NHERF2: variants seen among roughly 807,000 people sequenced by gnomAD.
NHERF2 encodes NHERF family PDZ scaffold protein 2.
the NHERF2 span, chr16:2,036,582 A>T: frequency 2.0e-6 from 3 of 1,515,724 alleles, no homozygotes; most frequent in Non-Finnish European, 2.7e-6. Flanking sequence ...TGCAGGGAGG[A>T]GGGAGACGCT....
At chr16:2,032,999 C>G in the NHERF2 span, 1 of 1,152,390 alleles carries the variant, frequency 8.7e-7, no homozygotes, top group Non-Finnish European at 1.1e-6. This position sits in a 1 kb window ranked among gnomAD's most constrained non-coding sequence, Gnocchi z 4.0. Flanking sequence ...TTCCCTGGCT[C>G]TTGCTCCTCT....
At chr16:2,033,509 T>TC in the NHERF2 span, 1 of 1,405,414 alleles carries the variant, frequency 7.1e-7, no homozygotes. Context: ...AGGAGGGGAC[T>TC]CCGGGACCTT....
At chr16:2,036,459 C>T in the NHERF2 span, 4 of 1,602,882 alleles carry the variant, frequency 2.5e-6, no homozygotes, top group Non-Finnish European at 3.4e-6. Flanking sequence ...CCCGGGCTCA[C>T]CTGCCGCCCG....
At chr16:2,029,680 C>G in the NHERF2 span, 1 of 1,563,128 alleles carries the variant, frequency 6.4e-7, no homozygotes, top group East Asian at 2.4e-5. Flanking sequence ...TGACCTGTAC[C>G]GAGGAGATGG....
the NHERF2 span, chr16:2,027,283 A>AG: frequency 3.8e-6 from 4 of 1,057,544 alleles, no homozygotes; most frequent in Non-Finnish European, 3.6e-6. Flanking sequence ...TGGGGCGAGC[A>AG]GGGGTCGCAC....
the NHERF2 span, chr16:2,036,533 G>A: frequency 1.0e-4 from 161 of 1,558,378 alleles, 1 homozygote; most frequent in Admixed American, 6.2e-4. Context: ...GCGGGGTGCC[G>A]AGTGCCCCGC....
At chr16:2,030,981 G>C in the NHERF2 span, among the ~76,000 whole-genome samples, 1 of 152,218 alleles carries the variant, frequency 6.6e-6, no homozygotes, top group African/African-American at 2.4e-5. Context: ...CCCTTCAGGG[G>C]ATATGAGTCC....
At chr16:2,033,301 T>G in the NHERF2 span, 1 of 1,532,502 alleles carries the variant, frequency 6.5e-7, no homozygotes, top group Non-Finnish European at 8.7e-7. Context: ...GCCAGAGAGT[T>G]CAGGCCACCC....
chr16:2,038,416 TCCCCCTTC>T, the NHERF2 span: 1 of 58,718 alleles, frequency 1.7e-5, no homozygotes, highest in Non-Finnish European at 3.5e-5. Context: ...CCCCTTCCCC[TCCCCCTTC>T]CCCTCCCCCT....
chr16:2,029,435 G>A, the NHERF2 span: 18 of 678,528 alleles, frequency 2.7e-5, no homozygotes, highest in South Asian at 7.2e-5. Context: ...GGTGGGGGGC[G>A]GGGCCGGCAG....
the NHERF2 span, chr16:2,033,317 G>T: frequency 1.0e-5 from 16 of 1,532,792 alleles, no homozygotes; most frequent in Non-Finnish European, 1.4e-5. Context: ...CACCCCGGCC[G>T]GACGCCTGCC....
the NHERF2 span, chr16:2,035,783 C>G: frequency 1.4e-6 from 1 of 720,698 alleles, no homozygotes; most frequent in Non-Finnish European, 1.7e-6. Flanking sequence ...AGCTCCTGCC[C>G]CAGCCCCTGC....
chr16:2,029,193 G>C, the NHERF2 span, among the ~76,000 whole-genome samples: 1 of 152,232 alleles, frequency 6.6e-6, no homozygotes, highest in Non-Finnish European at 1.5e-5. Context: ...ACAGATGGAT[G>C]CATGCGCGCA....
chr16:2,029,749 C>A, the NHERF2 span: 1 of 1,553,586 alleles, frequency 6.4e-7, no homozygotes, highest in East Asian at 2.4e-5. Flanking sequence ...ACTGGGCACA[C>A]ACCGGCAGCC....
At chr16:2,032,009 C>G in the NHERF2 span, among the ~76,000 whole-genome samples, 3 of 149,674 alleles carry the variant, frequency 2.0e-5, no homozygotes, top group Non-Finnish European at 4.5e-5. This position sits in a 1 kb window ranked among gnomAD's most constrained non-coding sequence, Gnocchi z 4.0. Flanking sequence ...TCTGAGGTTT[C>G]ATTTCTTTCT....
At chr16:2,036,910 G>C in the NHERF2 span, 1 of 1,588,710 alleles carries the variant, frequency 6.3e-7, no homozygotes, top group East Asian at 2.3e-5. Flanking sequence ...CACAGGGTGG[G>C]TGCGGTGTGG....
chr16:2,026,947 C>A, the NHERF2 span: 2 of 737,120 alleles, frequency 2.7e-6, no homozygotes, highest in South Asian at 5.8e-5. Context: ...CCAGCGCCGC[C>A]GCCGCCCCCG....
the NHERF2 span, chr16:2,035,617 T>TGGCTG: frequency 2.0e-6 from 2 of 986,376 alleles, no homozygotes. Context: ...GCCCACCCCC[T>TGGCTG]GGCTGGGAGG....
the NHERF2 span, chr16:2,036,316 G>C: frequency 6.2e-7 from 1 of 1,602,600 alleles, no homozygotes; most frequent in East Asian, 2.3e-5. Context: ...TGTCCGTTGG[G>C]CCTGCAGGAT....
Sources: allele counts gnomAD v4.1 joint callset (sites outside exome capture counted in the v4.1 genomes callset), GRCh38; gene constraint gnomAD v4.1.1; non-coding constraint Gnocchi (gnomAD v3.1); transcripts MANE v1.5; gene names NCBI Gene and HGNC (gene_info 2026-07-23, HGNC 2026-07-21).